The following OSMR variants were observed in gnomAD, a reference collection of about 807,000 sequenced individuals.
The protein encoded by OSMR is oncostatin-M-specific receptor subunit beta.
In OSMR, 81 loss-of-function variants were observed where a neutral mutation model predicts 99.9. The ratio of observed to expected loss-of-function variants is 0.81; its 90% CI spans 0.68 to 0.97. The LOEUF is 0.97. OSMR is among the 50% of genes least tolerant of loss of function. The pLI, the probability that OSMR is intolerant of heterozygous loss-of-function variation, is 0.00. For synonymous variants in OSMR, 406 were observed against 410.4 expected (o/e 0.99, Z 0.13); for missense variants, 1,099 against 1,153.4 (o/e 0.95, Z 0.68).
chr5:38,940,891 G>A, intron 1 of OSMR: 1 of 232,320 alleles, frequency 4.3e-6, no homozygotes, highest in Non-Finnish European at 8.5e-6. Context: ...ATGTTGCTAT[G>A]ACTGTGTCAA....
At chr5:38,885,550 C>A (rs1743654939) in intron 6 of OSMR, 66 bp downstream of exon 6, 1 of 1,575,176 alleles carries the variant, frequency 6.3e-7, no homozygotes, top group African/African-American at 1.3e-5. Context: ...GACAACATGG[C>A]AAAAATCTAC....
At chr5:38,874,008 T>G (rs1486920086) in intron 2 of OSMR, among the ~76,000 whole-genome samples, 1 of 152,062 alleles carries the variant, frequency 6.6e-6, no homozygotes, top group African/African-American at 2.4e-5. Flanking sequence ...GTTGTATTTT[T>G]TTTGGTAGAG....
At chr5:38,917,723 C>A in intron 10 of OSMR, 101 bp downstream of exon 10, 2 of 892,896 alleles carry the variant, frequency 2.2e-6, no homozygotes, top group Non-Finnish European at 1.8e-6. Context: ...TTCAGTGTCC[C>A]AACTGGGAGG....
chr5:38,885,691 GC>G (rs1743678018), intron 6 of OSMR, among the ~76,000 whole-genome samples: 1 of 152,220 alleles, frequency 6.6e-6, no homozygotes, highest in Non-Finnish European at 1.5e-5. Context: ...ATTTAGCATA[GC>G]ATGGTAAGAA....
chr5:38,860,879 G>A (rs1327402003), intron 1 of OSMR, among the ~76,000 whole-genome samples: 1 of 152,042 alleles, frequency 6.6e-6, no homozygotes, highest in South Asian at 2.1e-4. Flanking sequence ...CACCATGTTG[G>A]CCAGGCTAGT....
chr5:38,943,011 T>C (rs1351722302), intron 1 of OSMR: 4 of 1,472,904 alleles, frequency 2.7e-6, no homozygotes, highest in Non-Finnish European at 3.8e-6. Context: ...ACTGTAATCA[T>C]GATGTATCTA....
intron 1 of OSMR, among the ~76,000 whole-genome samples, chr5:38,852,460 GT>G (rs1181749483): frequency 6.6e-6 from 1 of 152,122 alleles, no homozygotes; most frequent in East Asian, 1.9e-4. Context: ...CCAATGTGAG[GT>G]ATTAAGACCT....
chr5:38,895,257 C>A (rs1383457929), intron 7 of OSMR, among the ~76,000 whole-genome samples: 1 of 151,988 alleles, frequency 6.6e-6, no homozygotes, highest in Non-Finnish European at 1.5e-5. Flanking sequence ...TAGAGCAGAA[C>A]TGAATGAAAT....
chr5:38,880,440 T>C (rs1200478153), intron 3 of OSMR, among the ~76,000 whole-genome samples: 4 of 152,082 alleles, frequency 2.6e-5, no homozygotes, highest in Non-Finnish European at 4.4e-5. Flanking sequence ...TTGGGGGACA[T>C]GAAGAAGAGA....
chr5:38,881,602 A>G lies in OSMR; in HGVS notation c.256A>G (p.Ser86Gly), dbSNP rs1329965312. 1.2e-6 allele frequency: 2 copies of G among 1,614,066 alleles called. No homozygotes were observed. Among genetic ancestry groups the G allele is most frequent in the African/African-American group, 1.3e-5 (1 of 74,942 alleles). The stretch of plus-strand genomic sequence containing the variant: ...TTCTCTTTGCTTTTAGGGGAATTAC[A>G]GCACCACTGTGAAGTGGAACCAGGT... ...TSNVIWVGNY[S>G]TTVKWNQVLH... Residue 86 changes from serine to glycine, a missense_variant, in exon 4 of 18, where the codon AGC (serine) becomes GGC (glycine). Ser to Gly is a moderately conservative substitution (Grantham distance 56, BLOSUM62 0). Transcript: ENST00000274276.
chr5:38,857,753 C>T (rs968128210), intron 1 of OSMR, among the ~76,000 whole-genome samples: 7 of 152,022 alleles, frequency 4.6e-5, no homozygotes, highest in East Asian at 1.9e-4. Flanking sequence ...CTGTAATCGC[C>T]GCCTCCTAGG....
chr5:38,940,424 G>A, downstream of OSMR: 1 of 232,588 alleles, frequency 4.3e-6, no homozygotes. Context: ...ATTTGGTCTA[G>A]TAACTCTGAC....
intron 1 of OSMR, among the ~76,000 whole-genome samples, chr5:38,865,940 G>A (rs979040392): frequency 2.6e-5 from 4 of 152,240 alleles, no homozygotes; most frequent in Non-Finnish European, 4.4e-5. Context: ...ACTGTGTGCA[G>A]GTGGGTTCTG....
rs780438019 is a variant in OSMR at position 38,932,854 on chromosome 5, T to C, written c.2368-18T>C. 1.2e-6 allele frequency: 2 copies of C among 1,613,434 alleles called. No individual in the cohort carries two copies. The highest frequency in any genetic ancestry group is 1.7e-6 in the Non-Finnish European group (2 of 1,179,834). On this transcript the variant is annotated intron_variant, in intron 17 of 17. Transcript: ENST00000274276. ...ACACACAAATGTCTATATTTACATATTTTTGTTTCCTTTCTAGGAGAACCC... is the reference window on the plus strand; with the variant it reads ...ACACACAAATGTCTATATTTACATACTTTTGTTTCCTTTCTAGGAGAACCC...
intron 7 of OSMR, among the ~76,000 whole-genome samples, chr5:38,902,017 A>G (rs1744928532): frequency 1.3e-5 from 2 of 152,176 alleles, no homozygotes; most frequent in South Asian, 4.1e-4. Context: ...TGGCCTTGGC[A>G]TTTAGCCTGT....
intron 9 of OSMR, among the ~76,000 whole-genome samples, chr5:38,912,457 C>T (rs1745647367): frequency 2.0e-5 from 3 of 152,042 alleles, no homozygotes; most frequent in South Asian, 2.1e-4. Context: ...ATTCCGTGCT[C>T]ACAGATTGGA....
chr5:38,927,982 C>T (rs1235631719), intron 15 of OSMR, among the ~76,000 whole-genome samples: 1 of 152,208 alleles, frequency 6.6e-6, no homozygotes, highest in Non-Finnish European at 1.5e-5. Flanking sequence ...CCACCAGTCT[C>T]TTTGCTAAAG....
intron 9 of OSMR, among the ~76,000 whole-genome samples, chr5:38,912,623 T>A (rs1166847756): frequency 6.6e-6 from 1 of 152,148 alleles, no homozygotes; most frequent in African/African-American, 2.4e-5. Flanking sequence ...GACAAAGCAT[T>A]TCTAAGCAAA....
Position 38,903,930 on chromosome 5 carries a change from C to T in OSMR, c.1040C>T (p.Thr347Ile). 3.1e-6 allele frequency: 5 copies of T among 1,613,718 alleles called. No individual in the cohort carries two copies. Among genetic ancestry groups the T allele is most frequent in the Non-Finnish European group, 4.2e-6 (5 of 1,179,902 alleles). Residue 347 changes from threonine to isoleucine, a missense_variant, in exon 8 of 18, where the codon ACA (threonine) becomes ATA (isoleucine). Physicochemically the swap from Thr to Ile is moderately conservative, Grantham distance 89. Coordinates refer to ENST00000274276, the MANE Select transcript of OSMR (RefSeq NM_003999.3). ...GTCAACTTTGAAAATGTAAATGCCA[C>T]AAATGCCATCATGACCTGGAAGGTG... ...FSVNFENVNATNAIMTWKVHS... is the reference protein window; with the variant it reads ...FSVNFENVNAINAIMTWKVHS...
Sources: allele counts gnomAD v4.1 joint callset (sites outside exome capture counted in the v4.1 genomes callset), GRCh38; gene constraint gnomAD v4.1.1; transcripts MANE v1.5; gene names NCBI Gene and HGNC (gene_info 2026-07-23, HGNC 2026-07-21).